The following FNBP1L variants were observed in gnomAD, a reference collection of about 807,000 sequenced individuals.
FNBP1L encodes the protein formin binding protein 1 like, also known as formin-binding protein 1-like.
A neutral mutation model predicts 91.2 loss-of-function variants in FNBP1L; 36 were observed. The ratio of observed to expected loss-of-function variants is 0.39; its 90% CI spans 0.30 to 0.52. The LOEUF (loss-of-function observed/expected upper bound fraction) is 0.52. Among genes scored for constraint, FNBP1L ranks in the 20% least tolerant of loss-of-function variants. FNBP1L has a pLI of 0.66. For synonymous variants in FNBP1L, 242 were observed against 237.0 expected (o/e 1.02, Z -0.19); for missense variants, 571 against 732.1 (o/e 0.78, Z 2.54).
intron 2 of FNBP1L, among the ~76,000 whole-genome samples, chr1:93,511,018 TG>T (rs1157681058): frequency 1.3e-5 from 2 of 152,176 alleles, no homozygotes; most frequent in Non-Finnish European, 2.9e-5. Context: ...GGAACCAAGT[TG>T]GAAAACACTC....
intron 2 of FNBP1L, among the ~76,000 whole-genome samples, chr1:93,509,939 C>A (rs573934045): frequency 2.0e-5 from 3 of 152,218 alleles, no homozygotes; most frequent in Non-Finnish European, 4.4e-5. Flanking sequence ...GATTATATCC[C>A]GCACATGGCT....
chr1:93,511,494 C>G (rs2101737479), intron 2 of FNBP1L, among the ~76,000 whole-genome samples: 1 of 152,286 alleles, frequency 6.6e-6, no homozygotes, highest in African/African-American at 2.4e-5. Context: ...CCAGCTGCTG[C>G]AAAATCATGC....
intron 3 of FNBP1L, 37 bp from the exon 4 acceptor site, chr1:93,523,307 A>G (rs1182764233): frequency 6.4e-7 from 1 of 1,562,402 alleles, no homozygotes; most frequent in Non-Finnish European, 8.7e-7. Context: ...TAATGAAAAT[A>G]AAAGTAAGTC....
At chr1:93,453,829 A>G (rs1308703795) in intron 1 of FNBP1L, among the ~76,000 whole-genome samples, 2 of 152,226 alleles carry the variant, frequency 1.3e-5, no homozygotes, top group Non-Finnish European at 2.9e-5. Flanking sequence ...ACAGATGTTT[A>G]TTTCATGCCT....
chr1:93,499,317 C>A (rs1011892771), intron 1 of FNBP1L, 151 bp from the exon 2 acceptor site: 5 of 624,556 alleles, frequency 8.0e-6, no homozygotes, highest in Non-Finnish European at 1.4e-5. Context: ...ATTTCTAGGT[C>A]TTAAAGGGTG....
intron 1 of FNBP1L, among the ~76,000 whole-genome samples, chr1:93,473,873 G>A (rs1483301444): frequency 6.6e-6 from 1 of 152,184 alleles, no homozygotes; most frequent in Non-Finnish European, 1.5e-5. Flanking sequence ...TTGGTTACTA[G>A]CCCCCTAAGC....
chr1:93,466,055 GTTTT>G (rs911005758), intron 1 of FNBP1L, among the ~76,000 whole-genome samples: 5 of 150,714 alleles, frequency 3.3e-5, no homozygotes, highest in Admixed American at 1.3e-4. Context: ...GGAGTTGTTT[GTTTT>G]TTTTTCTTGT....
chr1:93,499,943 GTT>G (rs1670390264), intron 2 of FNBP1L, among the ~76,000 whole-genome samples: 1 of 152,240 alleles, frequency 6.6e-6, no homozygotes. Flanking sequence ...TTTCTTCAGA[GTT>G]TTTTTCTTCA....
intron 2 of FNBP1L, among the ~76,000 whole-genome samples, chr1:93,508,948 T>C (rs978913151): frequency 1.3e-5 from 2 of 152,224 alleles, no homozygotes; most frequent in South Asian, 4.1e-4. Flanking sequence ...GGCTTTAAGA[T>C]TATGTCCTAT....
At chr1:93,507,087 ACACACACACACACACACACACTCTCTCT>A (rs1446568631) in intron 2 of FNBP1L, among the ~76,000 whole-genome samples, 27 of 131,078 alleles carry the variant, frequency 2.1e-4, no homozygotes, top group African/African-American at 6.0e-4. Context: ...ACACACACAC[ACACACACACACACACACACACTCTCTCT>A]CTCTCTCTCT....
At chr1:93,535,276 T>C (rs1456363745) in intron 9 of FNBP1L, among the ~76,000 whole-genome samples, 1 of 152,118 alleles carries the variant, frequency 6.6e-6, no homozygotes, top group Non-Finnish European at 1.5e-5. Context: ...CCATAATACA[T>C]GTCAAGTTAG....
intron 1 of FNBP1L, among the ~76,000 whole-genome samples, chr1:93,449,939 G>T (rs547788381): frequency 6.6e-6 from 1 of 151,592 alleles, no homozygotes; most frequent in Admixed American, 6.6e-5. Context: ...GCATTCATTC[G>T]TTTTTATAAT....
chr1:93,504,136 A>G (rs1341996172), intron 2 of FNBP1L, among the ~76,000 whole-genome samples: 1 of 152,200 alleles, frequency 6.6e-6, no homozygotes, highest in East Asian at 1.9e-4. Flanking sequence ...TGGGTGATTA[A>G]ATTTAAGTTG....
At chr1:93,505,888 A>T (rs530838372) in intron 2 of FNBP1L, among the ~76,000 whole-genome samples, 3 of 152,280 alleles carry the variant, frequency 2.0e-5, no homozygotes, top group African/African-American at 7.2e-5. Flanking sequence ...CATATTGACC[A>T]GGCTGGTCTC....
chr1:93,458,797 CTTTTATTACTA>C (rs1006727803), intron 1 of FNBP1L, among the ~76,000 whole-genome samples: 1 of 152,150 alleles, frequency 6.6e-6, no homozygotes, highest in Non-Finnish European at 1.5e-5. Flanking sequence ...ATTCACATAA[CTTTTATTACTA>C]TTTATTGTTC....
chr1:93,553,994 C>A lies in FNBP1L; in HGVS notation c.*1578C>A, dbSNP rs1167866745. 6 of 152,610 alleles carry A rather than the reference C, an allele frequency of 3.9e-5. No homozygotes were observed. The highest frequency in any genetic ancestry group is 7.3e-5 in the Non-Finnish European group (5 of 68,030). 9.5% of individuals were successfully genotyped at this position (152,610 alleles called of 1,614,324 possible). On this transcript the variant is annotated 3_prime_UTR_variant, in exon 17 of 17. Coordinates refer to ENST00000271234, the MANE Select transcript of FNBP1L (RefSeq NM_001164473.3). ...AACTTTTTCCCAGTGTTATTTGAAT[C>A]ATACTACCCGTTATACTAAAGCTGA...
chr1:93,462,532 CCTT>C lies in FNBP1L; in HGVS notation c.24+14228_24+14230del, dbSNP rs542348188. On this transcript the variant is annotated intron_variant, in intron 1 of 16. Transcript: ENST00000271234. ...CCATATTACATTTAGTTGTATGTCT[CCTT>C]AGACACTTGGCAGTAACATTTTCTC... 1.9e-3 allele frequency among the ~76,000 whole-genome samples: 292 copies of C among 152,128 alleles called. 2 individuals carry two copies. Among genetic ancestry groups the C allele is most frequent in the African/African-American group, 6.7e-3 (280 of 41,528 alleles).
intron 2 of FNBP1L, among the ~76,000 whole-genome samples, chr1:93,516,395 T>A (rs1490195305): frequency 6.6e-6 from 1 of 152,204 alleles, no homozygotes; most frequent in African/African-American, 2.4e-5. Flanking sequence ...GGTGACTCAA[T>A]ACATTCAAGT....
intron 11 of FNBP1L, among the ~76,000 whole-genome samples, chr1:93,542,470 A>G (rs34893871): frequency 1.3e-4 from 19 of 147,566 alleles, no homozygotes; most frequent in Non-Finnish European, 1.8e-4. Flanking sequence ...AAAAAAAGCA[A>G]CACTTAGGAT....
Sources: allele counts gnomAD v4.1 joint callset (sites outside exome capture counted in the v4.1 genomes callset), GRCh38; gene constraint gnomAD v4.1.1; transcripts MANE v1.5; gene names NCBI Gene and HGNC (gene_info 2026-07-23, HGNC 2026-07-21).